Variants in CSMD1 observed in about 807,000 individuals in gnomAD.
CSMD1 encodes CUB and Sushi multiple domains 1, also known as CUB and sushi domain-containing protein 1.
CSMD1 carries 213 observed loss-of-function variants against 417.5 expected under a neutral mutation model. The ratio of observed to expected loss-of-function variants is 0.51; its 90% confidence interval spans 0.46 to 0.57. The LOEUF is 0.57. Among genes scored for constraint, CSMD1 ranks in the 20% least tolerant of loss-of-function variants. CSMD1 has a pLI of 0.00. For missense variants in CSMD1, 6,923 were observed against 4,529.7 expected (o/e 1.53, Z -15.17); for synonymous variants, 2,862 against 1,736.8 (o/e 1.65, Z -16.11).
chr8:4,735,809 A>T (rs921384060), intron 1 of CSMD1, among the ~76,000 whole-genome samples: 16 of 152,188 alleles, frequency 1.1e-4, no homozygotes, highest in Non-Finnish European at 1.6e-4. Flanking sequence ...AAGGCTGCCT[A>T]GATCTTCAAT....
chr8:3,594,861 G>A (rs1801018490), intron 8 of CSMD1, among the ~76,000 whole-genome samples: 1 of 152,100 alleles, frequency 6.6e-6, no homozygotes, highest in Non-Finnish European at 1.5e-5. Flanking sequence ...CACTGCTCAT[G>A]GAGCTTCTGA....
chr8:3,709,680 G>GTTTTT (rs56272726), intron 6 of CSMD1, among the ~76,000 whole-genome samples: 439 of 33,620 alleles, frequency 0.013, 70 homozygotes, highest in Non-Finnish European at 0.019. Context: ...GCAGCAGCAT[G>GTTTTT]TTTTTTTTTT....
intron 5 of CSMD1, among the ~76,000 whole-genome samples, chr8:3,942,087 C>T (rs959355729): frequency 6.6e-6 from 1 of 151,812 alleles, no homozygotes; most frequent in Admixed American, 6.6e-5. Flanking sequence ...TTTCGAGCTC[C>T]TTGTGAGAAT....
chr8:3,977,447 G>C (rs540500725), intron 5 of CSMD1, among the ~76,000 whole-genome samples: 17 of 152,154 alleles, frequency 1.1e-4, no homozygotes, highest in African/African-American at 4.1e-4. Context: ...TCTCTGAGTT[G>C]TTTTGGATGG....
chr8:4,714,170 G>C (rs1167411261), intron 1 of CSMD1, among the ~76,000 whole-genome samples: 3 of 151,978 alleles, frequency 2.0e-5, no homozygotes, highest in East Asian at 1.9e-4. Flanking sequence ...AGAATACCTT[G>C]TGTTCTGCAC....
rs1274597750 is a variant in CSMD1 at position 3,265,214 on chromosome 8, G to T, written c.4153+18930C>A. Among the ~76,000 whole-genome samples the T allele has an allele frequency of 2.6e-5, 4 of 152,152 alleles. No homozygotes were observed. The East Asian group carries it at 7.7e-4, about 29-fold the overall frequency. ...AAATAAGAATCAGAAAATAAGCACAGACACATAACGAAGAAATAATGAAAA... is the reference window on the plus strand; with the variant it reads ...AAATAAGAATCAGAAAATAAGCACATACACATAACGAAGAAATAATGAAAA... On this transcript the variant is annotated intron_variant, in intron 26 of 69. Coordinates refer to ENST00000635120, the MANE Select transcript of CSMD1 (RefSeq NM_033225.6).
intron 2 of CSMD1, among the ~76,000 whole-genome samples, chr8:4,570,423 G>C (rs1050576355): frequency 1.3e-5 from 2 of 152,152 alleles, no homozygotes; most frequent in African/African-American, 4.8e-5. Context: ...TTCTGTTTAT[G>C]TGATGGATTA....
In CSMD1 at chr8:4,620,172, G is replaced by A. The variant is rs563463796; in HGVS notation, c.302+17170C>T. Among the ~76,000 whole-genome samples the A allele has an allele frequency of 2.6e-5, 4 of 151,740 alleles. No homozygotes were observed. The East Asian group carries it at 5.8e-4, about 22-fold the overall frequency. On this transcript the variant is annotated intron_variant, in intron 2 of 69. Transcript: ENST00000635120. ...AGGACTATAAAGATATGTCTCCATT[G>A]TGTTTGGTGTTCAGAAAGTAGAAAT...
chr8:3,529,083 G>A (rs57125069), intron 10 of CSMD1, among the ~76,000 whole-genome samples: 1 of 152,104 alleles, frequency 6.6e-6, no homozygotes, highest in African/African-American at 2.4e-5. Flanking sequence ...ACTTTCAACA[G>A]AATATACCGA....
chr8:3,951,002 G>T (rs936942946), intron 5 of CSMD1, among the ~76,000 whole-genome samples: 6 of 152,096 alleles, frequency 3.9e-5, no homozygotes, highest in African/African-American at 1.4e-4. Context: ...TAATTCAACT[G>T]AGCCCCGTTT....
At chr8:4,105,161 G>C (rs1403059998) in intron 3 of CSMD1, among the ~76,000 whole-genome samples, 1 of 152,052 alleles carries the variant, frequency 6.6e-6, no homozygotes, top group South Asian at 2.1e-4. Flanking sequence ...CTGAAAATTA[G>C]ATATCCATTC....
intron 42 of CSMD1, among the ~76,000 whole-genome samples, chr8:3,111,140 C>T (rs1279143817): frequency 6.6e-6 from 1 of 152,062 alleles, no homozygotes; most frequent in East Asian, 1.9e-4. Context: ...TCTTGAACCT[C>T]GAAGGGCTGT....
intron 8 of CSMD1, among the ~76,000 whole-genome samples, chr8:3,612,234 A>G (rs34269237): frequency 0.33 from 50,769 of 151,896 alleles, 9,320 homozygotes; most frequent in Middle Eastern, 0.48. Context: ...AACAAAAGGT[A>G]TTGAAGAAAC....
chr8:4,963,229 C>A (rs1404093522), intron 1 of CSMD1, among the ~76,000 whole-genome samples: 1 of 152,118 alleles, frequency 6.6e-6, no homozygotes, highest in Non-Finnish European at 1.5e-5. Flanking sequence ...GAGATGGAGT[C>A]TTGCTCTGTC....
chr8:4,255,303 T>C (rs1053728154), intron 3 of CSMD1, among the ~76,000 whole-genome samples: 3 of 152,184 alleles, frequency 2.0e-5, no homozygotes, highest in Admixed American at 6.5e-5. Flanking sequence ...CCTCCTATAT[T>C]GGTGAACTCC....
At chr8:3,655,803 A>G (rs956301788) in intron 7 of CSMD1, among the ~76,000 whole-genome samples, 4 of 152,164 alleles carry the variant, frequency 2.6e-5, no homozygotes, top group African/African-American at 9.7e-5. Context: ...AGCAAGAAAG[A>G]AAGTCTTCCA....
chr8:4,920,301 A>G (rs889618437), intron 1 of CSMD1, among the ~76,000 whole-genome samples: 4 of 152,136 alleles, frequency 2.6e-5, no homozygotes, highest in Non-Finnish European at 5.9e-5. Flanking sequence ...GCAGTTCAAG[A>G]TAAGTCAATT....
Position 4,651,790 on chromosome 8 carries a change from A to G in CSMD1, c.86-14232T>C, listed in dbSNP as rs1011412578. On this transcript the variant is annotated intron_variant, in intron 1 of 69. Transcript: ENST00000635120. ...TATTTAATGGGCAAGCTGTGTGATTATTAGGGGTGACCTAATTTGATTTAC... is the reference window on the plus strand; with the variant it reads ...TATTTAATGGGCAAGCTGTGTGATTGTTAGGGGTGACCTAATTTGATTTAC... Among the ~76,000 whole-genome samples, 3 of 152,348 alleles carry G rather than the reference A, an allele frequency of 2.0e-5. No homozygotes were observed. The East Asian group carries it at 5.8e-4, about 29-fold the overall frequency.
intron 7 of CSMD1, among the ~76,000 whole-genome samples, chr8:3,676,524 G>C (rs548425541): frequency 6.6e-6 from 1 of 152,242 alleles, no homozygotes; most frequent in Non-Finnish European, 1.5e-5. Context: ...GAAGCATATA[G>C]ATCTTAAATA....
Sources: allele counts gnomAD v4.1 joint callset (sites outside exome capture counted in the v4.1 genomes callset), GRCh38; gene constraint gnomAD v4.1.1; transcripts MANE v1.5; gene names NCBI Gene and HGNC (gene_info 2026-07-23, HGNC 2026-07-21).